ACVR2A: variants seen among roughly 807,000 people sequenced by gnomAD.
ACVR2A encodes activin receptor type-2A.
ACVR2A carries 7 observed loss-of-function variants against 61.4 expected under a neutral mutation model. That is an observed-to-expected ratio of 0.11 (90% CI 0.06 to 0.21). The LOEUF (loss-of-function observed/expected upper bound fraction) is 0.21, where lower values mean the gene tolerates loss of function less well. Ranked by LOEUF, ACVR2A falls within the 10% of genes least tolerant of loss-of-function variation. ACVR2A has a pLI of 1.00. For synonymous variants in ACVR2A, 193 were observed against 208.3 expected (o/e 0.93, Z 0.63); for missense variants, 322 against 621.7 (o/e 0.52, Z 5.13).
chr2:147,856,621 A>G (rs1573913076), intron 1 of ACVR2A, among the ~76,000 whole-genome samples: 1 of 152,172 alleles, frequency 6.6e-6, no homozygotes, highest in Non-Finnish European at 1.5e-5. Context: ...AATAATTACT[A>G]AAATTATATG....
chr2:147,850,279 C>T lies in ACVR2A; in HGVS notation c.55+5072C>T, dbSNP rs150237199. Among the ~76,000 whole-genome samples the T allele has an allele frequency of 7.2e-3, 1,091 of 152,188 alleles. 10 individuals are homozygous for T. Among genetic ancestry groups the T allele is most frequent in the African/African-American group, 0.024 (998 of 41,532 alleles). The stretch of plus-strand genomic sequence containing the variant: ...CATGGGTGACTCCAGAGGGCTTACC[C>T]GTAGTTTTAATGAAAACAGATTGAA... On this transcript the variant is annotated intron_variant, in intron 1 of 10. Coordinates refer to ENST00000241416, the MANE Select transcript of ACVR2A (RefSeq NM_001616.5).
At position 147,887,808 on chromosome 2, in the gene ACVR2A, T is replaced by C. The variant is rs1345188674; in HGVS notation, c.56-8493T>C. 2.0e-5 allele frequency among the ~76,000 whole-genome samples: 3 copies of C among 152,164 alleles called. No homozygotes were observed. In the East Asian group the frequency reaches 5.8e-4, roughly 29 times the overall value. Reference sequence around the variant, plus strand: ...CGTATATAGACAACTGATTTAAAAATCAGTGAGTAAATATAAAACAATTAC... The same window carrying C: ...CGTATATAGACAACTGATTTAAAAACCAGTGAGTAAATATAAAACAATTAC... On this transcript the variant is annotated intron_variant, in intron 1 of 10. Transcript: ENST00000241416.
intron 1 of ACVR2A, among the ~76,000 whole-genome samples, chr2:147,890,539 C>G (rs1686557217): frequency 6.6e-6 from 1 of 152,114 alleles, no homozygotes; most frequent in Admixed American, 6.5e-5. Context: ...GATTCTGATG[C>G]ACATCATTGG....
At chr2:147,908,226 A>G (rs1687035355) in intron 4 of ACVR2A, among the ~76,000 whole-genome samples, 1 of 152,154 alleles carries the variant, frequency 6.6e-6, no homozygotes, top group Non-Finnish European at 1.5e-5. Context: ...CTACACTTGC[A>G]GAATACAGAT....
chr2:147,897,590 A>T (rs1196017570), intron 2 of ACVR2A, among the ~76,000 whole-genome samples: 9 of 152,166 alleles, frequency 5.9e-5, no homozygotes, highest in Admixed American at 6.5e-5. Context: ...ACTGCTGTAT[A>T]CAGTGAACAC....
intron 1 of ACVR2A, among the ~76,000 whole-genome samples, chr2:147,879,327 G>A (rs1686238182): frequency 6.6e-6 from 1 of 152,154 alleles, no homozygotes; most frequent in South Asian, 2.1e-4. Flanking sequence ...AGGGCAGAGG[G>A]CAGAAGGACA....
chr2:147,876,312 A>C (rs1472990608), intron 1 of ACVR2A, among the ~76,000 whole-genome samples: 1 of 152,108 alleles, frequency 6.6e-6, no homozygotes, highest in Non-Finnish European at 1.5e-5. Flanking sequence ...GTATAAATAC[A>C]AAATGAATAA....
intron 1 of ACVR2A, 148 bp downstream of exon 1, chr2:147,845,355 C>T (rs1400022089): frequency 3.8e-6 from 2 of 531,986 alleles, no homozygotes; most frequent in Middle Eastern, 5.1e-4. Context: ...ACCGCCCCCC[C>T]CCCCCGCCCC....
chr2:147,866,084 G>A lies in ACVR2A; in HGVS notation c.55+20877G>A, dbSNP rs1685847703. On this transcript the variant is annotated intron_variant, in intron 1 of 10. Coordinates refer to ENST00000241416, the MANE Select transcript of ACVR2A (RefSeq NM_001616.5). ...GGACAGTTAGAGAGTAGGCCCAGGG[G>A]AGCCAATGTCATGGCCAACAAAATG... Among the ~76,000 whole-genome samples the A allele has an allele frequency of 2.0e-5, 3 of 152,254 alleles. No homozygotes were observed. In the South Asian group the frequency reaches 6.2e-4, roughly 32 times the overall value.
intron 1 of ACVR2A, among the ~76,000 whole-genome samples, chr2:147,881,380 G>A (rs924572426): frequency 3.3e-5 from 5 of 152,080 alleles, no homozygotes; most frequent in African/African-American, 1.2e-4. Flanking sequence ...TCTTAAGAGT[G>A]TTAGAACAGT....
intron 9 of ACVR2A, among the ~76,000 whole-genome samples, chr2:147,924,720 A>T (rs1202939141): frequency 6.6e-6 from 1 of 151,928 alleles, no homozygotes; most frequent in Non-Finnish European, 1.5e-5. Flanking sequence ...CTTGTTTGTT[A>T]AATGAAGTAA....
At chr2:147,865,202 T>A (rs1685823021) in intron 1 of ACVR2A, among the ~76,000 whole-genome samples, 1 of 152,166 alleles carries the variant, frequency 6.6e-6, no homozygotes, top group African/African-American at 2.4e-5. Flanking sequence ...TAGTGTCCAG[T>A]GCTCAATAAA....
chr2:147,884,514 C>A (rs1686383452), intron 1 of ACVR2A, among the ~76,000 whole-genome samples: 1 of 152,006 alleles, frequency 6.6e-6, no homozygotes, highest in Non-Finnish European at 1.5e-5. Flanking sequence ...GACAGTAAGA[C>A]TAAAATATTA....
intron 1 of ACVR2A, among the ~76,000 whole-genome samples, chr2:147,859,847 C>T (rs115747060): frequency 3.4e-3 from 511 of 152,260 alleles, no homozygotes; most frequent in East Asian, 8.1e-3. Flanking sequence ...TAAAAAGCTT[C>T]ACAACTGAGA....
intron 1 of ACVR2A, among the ~76,000 whole-genome samples, chr2:147,889,011 T>A (rs1371787528): frequency 6.6e-6 from 1 of 152,108 alleles, no homozygotes; most frequent in East Asian, 1.9e-4. Flanking sequence ...GTTTTTTTTT[T>A]ATTGTGAATA....
chr2:147,899,672 A>T, intron 3 of ACVR2A, 72 bp from the exon 4 acceptor site: 1 of 1,585,154 alleles, frequency 6.3e-7, no homozygotes, highest in Non-Finnish European at 8.6e-7. Flanking sequence ...CCAAAATTTG[A>T]GACTATGACA....
At chr2:147,885,228 TA>T (rs1321562666) in intron 1 of ACVR2A, among the ~76,000 whole-genome samples, 1 of 151,984 alleles carries the variant, frequency 6.6e-6, no homozygotes, top group East Asian at 1.9e-4. Context: ...AAAAAATTTC[TA>T]AAAAAAAGTC....
intron 1 of ACVR2A, among the ~76,000 whole-genome samples, chr2:147,895,780 GAAAAT>G (rs1405058939): frequency 6.6e-6 from 1 of 152,056 alleles, no homozygotes; most frequent in Non-Finnish European, 1.5e-5. Context: ...GTATAACATA[GAAAAT>G]ATGTGTTAAT....
At position 147,862,014 on chromosome 2, in the gene ACVR2A, G is replaced by A. The variant is rs1337258613; in HGVS notation, c.55+16807G>A. On this transcript the variant is annotated intron_variant, in intron 1 of 10. Transcript: ENST00000241416. ...CTCAAACCCTGAGATAATGCAATTT[G>A]CCTGAAGTCACTAATCAGTGGAGCT... Among the ~76,000 whole-genome samples, 4 of 152,112 alleles carry A rather than the reference G, an allele frequency of 2.6e-5. No individual in the cohort carries two copies. In the East Asian group the frequency reaches 5.8e-4, roughly 22 times the overall value.
Sources: gnomAD v4.1 joint callset for allele counts (sites outside exome capture counted in the v4.1 genomes callset) on GRCh38, gnomAD v4.1.1 for gene constraint, MANE v1.5 for transcripts, NCBI Gene and HGNC (gene_info 2026-07-23, HGNC 2026-07-21) for gene names.